ULK2: variants seen among roughly 807,000 people sequenced by gnomAD.
The protein encoded by ULK2 is unc-51 like autophagy activating kinase 2.
In ULK2, 76 loss-of-function variants were observed where a neutral mutation model predicts 127.5. The observed-to-expected ratio is 0.60, with a 90% CI of 0.50 to 0.72. The LOEUF (loss-of-function observed/expected upper bound fraction) is 0.72, where lower values mean the gene tolerates loss of function less well. ULK2 is among the 30% of genes least tolerant of loss of function. ULK2 has a pLI of 0.00. For missense variants in ULK2, 1,144 were observed against 1,295.9 expected (o/e 0.88, Z 1.80); for synonymous variants, 452 against 461.9 (o/e 0.98, Z 0.28).
chr17:19,860,418 C>T (rs1393656198), intron 3 of ULK2, among the ~76,000 whole-genome samples: 1 of 152,098 alleles, frequency 6.6e-6, no homozygotes, highest in Admixed American at 6.6e-5. Flanking sequence ...AATTCCTAAA[C>T]ATACTGTACC....
intron 13 of ULK2, among the ~76,000 whole-genome samples, chr17:19,814,404 TTATATACA>T (rs2040915464): frequency 7.8e-6 from 1 of 127,648 alleles, no homozygotes; most frequent in Non-Finnish European, 1.5e-5. Context: ...ATGTCTGTTA[TTATATACA>T]TATATATATA....
In ULK2 at chr17:19,781,886, C is replaced by T. The variant is rs2086926060; in HGVS notation, c.2639+3G>A. 3 of 1,610,922 alleles carry T rather than the reference C, an allele frequency of 1.9e-6. No homozygotes were observed. The highest frequency in any genetic ancestry group is 1.7e-6 in the Non-Finnish European group (2 of 1,178,582). On this transcript the variant is annotated splice_donor_region_variant and intron_variant, in intron 23 of 26. Transcript: ENST00000395544. ...TGGAAATGAATGACAAGGGGGCACC[C>T]ACCCCCAGTCTTTGCTCAGCTGACT...
Position 19,804,004 on chromosome 17 carries a change from C to T in ULK2, c.1295+689G>A, listed in dbSNP as rs549111857. Reference sequence around the variant, plus strand: ...TGATTACGTGCATACTTATGTCTGCCATGCTAAATCAAGTACCATTCTTCT... The same window carrying T: ...TGATTACGTGCATACTTATGTCTGCTATGCTAAATCAAGTACCATTCTTCT... On this transcript the variant is annotated intron_variant, in intron 15 of 26. Coordinates refer to ENST00000395544, the MANE Select transcript of ULK2 (RefSeq NM_014683.4). Among the ~76,000 whole-genome samples the T allele has an allele frequency of 7.2e-4, 109 of 152,214 alleles. 1 individual carries two copies. The highest frequency in any genetic ancestry group is 2.5e-3 in the African/African-American group (103 of 41,528).
rs759599575 is a variant in ULK2, at chr17:19,796,298, T to G, written c.1810-16A>C. The G allele has an allele frequency of 1.8e-5, 28 of 1,542,034 alleles. No homozygotes were observed. Among genetic ancestry groups the G allele is most frequent in the Non-Finnish European group, 2.4e-5 (27 of 1,137,916 alleles). On this transcript the variant is annotated splice_polypyrimidine_tract_variant and intron_variant, in intron 18 of 26. Transcript: ENST00000395544. ...GAGCTGTGGTCTAAAGAGACATATATATATATATATATGTAAACTAGTTAA... is the reference window on the plus strand; with the variant it reads ...GAGCTGTGGTCTAAAGAGACATATAGATATATATATATGTAAACTAGTTAA...
In ULK2 at chr17:19,796,096, T is replaced by C. The variant is rs1466397427; in HGVS notation, c.1996A>G (p.Arg666Gly). ...GCTAGAATGGAAACAGTCTTTTACC[T>C]GCCAAACACTGCCTTGCTCTGCTGC... ...AEQQSKAVFG[R>G]SVSTGKLSDQ... The change falls in exon 19 of 27, where the codon AGA (arginine) becomes GGA (glycine). Residue 666 changes from arginine to glycine, a missense_variant and splice_region_variant. Physicochemically the swap from Arg to Gly is moderately radical, Grantham distance 125. Coordinates refer to ENST00000395544, the MANE Select transcript of ULK2 (RefSeq NM_014683.4). 1 of 1,604,384 alleles carries C rather than the reference T, an allele frequency of 6.2e-7. No individual in the cohort carries two copies. Among genetic ancestry groups the C allele is most frequent in the Non-Finnish European group, 8.5e-7 (1 of 1,176,882 alleles).
intron 14 of ULK2, among the ~76,000 whole-genome samples, chr17:19,807,735 A>G (rs151203584): frequency 1.3e-5 from 2 of 152,290 alleles, no homozygotes; most frequent in African/African-American, 4.8e-5. Flanking sequence ...CATATCCTCA[A>G]AGAGAGGAAA....
chr17:19,823,233 T>C (rs1045193019), intron 12 of ULK2, among the ~76,000 whole-genome samples: 2 of 150,726 alleles, frequency 1.3e-5, no homozygotes, highest in African/African-American at 4.9e-5. Flanking sequence ...AAAAATAGGT[T>C]TGTCCACCAG....
chr17:19,814,456 T>TTTTTTTTTTTTTTTG (rs1555557161), intron 13 of ULK2, among the ~76,000 whole-genome samples: 2 of 18,260 alleles, frequency 1.1e-4, no homozygotes, highest in Non-Finnish European at 2.2e-4. Flanking sequence ...TTTTTTTTTT[T>TTTTTTTTTTTTTTTG]TTTTTTTGGA....
intron 20 of ULK2, among the ~76,000 whole-genome samples, 186 bp downstream of exon 20, chr17:19,795,436 G>C (rs181037877): frequency 6.8e-6 from 1 of 148,056 alleles, no homozygotes; most frequent in Non-Finnish European, 1.5e-5. Flanking sequence ...TACTGAATAA[G>C]GTCCTATTCT....
intron 20 of ULK2, among the ~76,000 whole-genome samples, chr17:19,794,691 G>T (rs1286915331): frequency 6.7e-6 from 1 of 148,576 alleles, no homozygotes; most frequent in Non-Finnish European, 1.5e-5. Flanking sequence ...TCCTCCTTTG[G>T]ATGCTCATGG....
At chr17:19,846,680 T>A in intron 6 of ULK2, 57 bp downstream of exon 6, 3 of 1,491,976 alleles carry the variant, frequency 2.0e-6, no homozygotes, top group Non-Finnish European at 2.7e-6. Context: ...AAGCTAAAGT[T>A]GTCTAAAAAT....
chr17:19,846,569 G>C (rs909686979), intron 6 of ULK2, among the ~76,000 whole-genome samples, 168 bp downstream of exon 6: 9 of 151,854 alleles, frequency 5.9e-5, no homozygotes, highest in African/African-American at 2.2e-4. Context: ...GAACCCAGGA[G>C]GCGTAGGTTG....
chr17:19,780,557 C>A lies in ULK2; in HGVS notation c.2831G>T (p.Arg944Leu), dbSNP rs377723191. Reference protein sequence around the residue: ...MCKKLTEKLNRFFSDKQRFID... With the variant: ...MCKKLTEKLNLFFSDKQRFID... The stretch of plus-strand genomic sequence containing the variant: ...AAACCTCTGTTTGTCAGAGAAGAAT[C>A]GATTCAGCTTTTCTGTAAGTTTCTT... The change falls in exon 25 of 27, where the codon CGA becomes CTA. Residue 944 changes from arginine (R) to leucine (L), a missense_variant. Coordinates refer to ENST00000395544, the MANE Select transcript of ULK2 (RefSeq NM_014683.4). 1.2e-6 allele frequency: 2 copies of A among 1,613,770 alleles called. No individual in the cohort carries two copies. Among genetic ancestry groups the A allele is most frequent in the African/African-American group, 1.3e-5 (1 of 74,984 alleles).
intron 3 of ULK2, among the ~76,000 whole-genome samples, chr17:19,862,097 CTT>C (rs533721146): frequency 6.7e-6 from 1 of 149,328 alleles, no homozygotes; most frequent in African/African-American, 2.5e-5. Context: ...CATCCTTTTT[CTT>C]TTTTTTTTCC....
intron 7 of ULK2, among the ~76,000 whole-genome samples, chr17:19,843,832 G>A (rs550182602): frequency 1.3e-5 from 2 of 151,724 alleles, no homozygotes; most frequent in Non-Finnish European, 2.9e-5. Flanking sequence ...CTAATTTTTT[G>A]TATTTTTAGT....
chr17:19,867,451 GGCGGCGCAGT>G lies in ULK2; in HGVS notation c.-44_-35del, dbSNP rs779793540. ...CCCCGGGGCACACAGCGGACGGGCG[GGCGGCGCAGT>G]GCGGCGCAGGTATCAGCACCGCGGC... is the stretch of plus-strand genomic sequence containing the variant. On this transcript the variant is annotated 5_prime_UTR_variant, in exon 1 of 27. Transcript: ENST00000395544. 1.1e-5 allele frequency: 18 copies of G among 1,570,816 alleles called. No individual in the cohort carries two copies. The highest frequency in any genetic ancestry group is 2.3e-5 in the South Asian group (2 of 87,314).
intron 19 of ULK2, 77 bp from the exon 20 acceptor site, chr17:19,795,802 A>G: frequency 7.4e-7 from 1 of 1,359,162 alleles, no homozygotes; most frequent in East Asian, 2.3e-5. Context: ...GAAGTTAGAG[A>G]ATGAGGAAAC....
rs2152398569 is a variant in ULK2 at position 19,846,824 on chromosome 17, T to C, written c.382A>G (p.Ile128Val). 1 of 1,614,134 alleles carries C rather than the reference T, an allele frequency of 6.2e-7. No homozygotes were observed. Among genetic ancestry groups the C allele is most frequent in the Middle Eastern group, 1.6e-4 (1 of 6,062 alleles). Reference sequence around the variant, plus strand: ...TTCTGTGGTTTGAGATCTCTGTGGATGATTCCTTTGCTGTGCAGGATTCGC... The same window carrying C: ...TTCTGTGGTTTGAGATCTCTGTGGACGATTCCTTTGCTGTGCAGGATTCGC... ...AMRILHSKGIIHRDLKPQNIL... is the reference protein window; with the variant it reads ...AMRILHSKGIVHRDLKPQNIL... Residue 128 changes from isoleucine (I) to valine (V), a missense_variant, in exon 6 of 27, where the codon ATC (isoleucine) becomes GTC (valine). By Grantham distance (29) the Ile-to-Val change is conservative (BLOSUM62 3). Transcript: ENST00000395544.
Position 19,796,128 on chromosome 17 carries a change from C to G in ULK2, c.1964G>C (p.Arg655Pro), listed in dbSNP as rs780288995. The change falls in exon 19 of 27, where the codon CGG becomes CCG. Residue 655 changes from arginine to proline, a missense_variant. Coordinates refer to ENST00000395544, the MANE Select transcript of ULK2 (RefSeq NM_014683.4). Reference sequence around the variant, plus strand: ...CACTGCCTTGCTCTGCTGCTCGGCCCGCTGCCTCTCACTTCCTTGCACTAA... The same window carrying G: ...CACTGCCTTGCTCTGCTGCTCGGCCGGCTGCCTCTCACTTCCTTGCACTAA... ...CLLVQGSERQRAEQQSKAVFG... is the reference protein window; with the variant it reads ...CLLVQGSERQPAEQQSKAVFG... 1 of 1,613,680 alleles carries G rather than the reference C, an allele frequency of 6.2e-7. No individual in the cohort carries two copies. The highest frequency in any genetic ancestry group is 8.5e-7 in the Non-Finnish European group (1 of 1,179,868).
Sources: allele counts gnomAD v4.1 joint callset (sites outside exome capture counted in the v4.1 genomes callset), GRCh38; gene constraint gnomAD v4.1.1; transcripts MANE v1.5; gene names NCBI Gene and HGNC (gene_info 2026-07-23, HGNC 2026-07-21).